CAMKMT: variants seen among roughly 807,000 people sequenced by gnomAD.
CAMKMT encodes CaM KMT.
A neutral mutation model predicts 48.0 loss-of-function variants in CAMKMT; 53 were observed. The ratio of observed to expected loss-of-function variants is 1.10; its 90% CI spans 0.89 to 1.39. The LOEUF (loss-of-function observed/expected upper bound fraction) is 1.39. CAMKMT is among the 40% of genes most tolerant of loss of function. The probability of loss-of-function intolerance (pLI) is 0.00; values close to 1 mark genes in which losing one functional copy is unlikely to be tolerated. For synonymous variants in CAMKMT, 165 were observed against 152.3 expected (o/e 1.08, Z -0.61); for missense variants, 428 against 402.7 (o/e 1.06, Z -0.54).
intron 3 of CAMKMT, among the ~76,000 whole-genome samples, chr2:44,647,924 A>G (rs1047059945): frequency 1.3e-5 from 2 of 150,418 alleles, no homozygotes; most frequent in Admixed American, 6.6e-5. Flanking sequence ...AAAAAAAAAA[A>G]AAAAAAAGAA....
intron 3 of CAMKMT, among the ~76,000 whole-genome samples, chr2:44,484,287 A>G (rs1362693966): frequency 1.3e-5 from 2 of 152,118 alleles, no homozygotes; most frequent in East Asian, 1.9e-4. Context: ...CTGGAAGAAA[A>G]GGAAGAAAGT....
chr2:44,657,786 A>T lies in CAMKMT; in HGVS notation c.377-46497A>T, dbSNP rs1166541354. Among the ~76,000 whole-genome samples, 1 of 152,184 alleles carries T rather than the reference A, an allele frequency of 6.6e-6. No homozygotes were observed. Among genetic ancestry groups the T allele is most frequent in the Non-Finnish European group, 1.5e-5 (1 of 68,024 alleles). Reference sequence around the variant, plus strand: ...GAATAACTGACAATGATGGATTCTCAAACATTTCTGCTAACCAAAGAAGGA... The same window carrying T: ...GAATAACTGACAATGATGGATTCTCTAACATTTCTGCTAACCAAAGAAGGA... On this transcript the variant is annotated intron_variant, in intron 3 of 10. Coordinates refer to ENST00000378494, the MANE Select transcript of CAMKMT (RefSeq NM_024766.5). The surrounding 1 kb of genome is among the most constrained non-coding windows in gnomAD (Gnocchi z 4.3).
chr2:44,661,590 AG>A (rs1373086024), intron 3 of CAMKMT, among the ~76,000 whole-genome samples: 1 of 152,166 alleles, frequency 6.6e-6, no homozygotes, highest in Non-Finnish European at 1.5e-5. Flanking sequence ...TATAAGACTA[AG>A]GATGGCAGCT....
chr2:44,726,052 A>G (rs1420163781), intron 7 of CAMKMT, among the ~76,000 whole-genome samples: 3 of 152,132 alleles, frequency 2.0e-5, no homozygotes, highest in African/African-American at 4.8e-5. Context: ...TGTGTGCTCA[A>G]TGTTTAGCTC....
intron 1 of CAMKMT, among the ~76,000 whole-genome samples, chr2:44,363,841 C>T (rs2104327246): frequency 6.6e-6 from 1 of 151,880 alleles, no homozygotes; most frequent in South Asian, 2.1e-4. Context: ...CAGGTGCTCG[C>T]CATTACGCCC....
chr2:44,710,365 A>T (rs1440229772), intron 6 of CAMKMT, among the ~76,000 whole-genome samples: 7 of 152,172 alleles, frequency 4.6e-5, no homozygotes, highest in Admixed American at 4.6e-4. Flanking sequence ...AAAGATATTA[A>T]GACTTGAGGT....
chr2:44,557,504 G>A (rs1031348404), intron 3 of CAMKMT, among the ~76,000 whole-genome samples: 3 of 152,132 alleles, frequency 2.0e-5, no homozygotes, highest in Non-Finnish European at 2.9e-5. Flanking sequence ...TGGTGATGTT[G>A]CTCCTCATCT....
intron 3 of CAMKMT, among the ~76,000 whole-genome samples, chr2:44,501,073 T>C (rs938166196): frequency 2.0e-5 from 3 of 151,838 alleles, no homozygotes; most frequent in African/African-American, 7.2e-5. Context: ...GGTTTTTTTT[T>C]TTCCTGGAGA....
chr2:44,706,201 G>A, intron 4 of CAMKMT, 86 bp from the exon 5 acceptor site: 1 of 1,360,464 alleles, frequency 7.4e-7, no homozygotes, highest in Non-Finnish European at 1.0e-6. Context: ...TACTGCAGAT[G>A]GCAATTTGTT....
At chr2:44,566,252 A>T (rs1445487902) in intron 3 of CAMKMT, among the ~76,000 whole-genome samples, 1 of 152,188 alleles carries the variant, frequency 6.6e-6, no homozygotes, top group Non-Finnish European at 1.5e-5. Flanking sequence ...TCCTCCTAGC[A>T]TGATGAAGCA....
chr2:44,740,082 T>C (rs1679587015), intron 7 of CAMKMT, among the ~76,000 whole-genome samples: 1 of 148,472 alleles, frequency 6.7e-6, no homozygotes, highest in Non-Finnish European at 1.5e-5. Flanking sequence ...GGAGCATAAG[T>C]GTGGTGGTAG....
intron 3 of CAMKMT, chr2:44,401,099 G>C (rs947147576): frequency 6.6e-6 from 1 of 151,982 alleles, no homozygotes; most frequent in Middle Eastern, 3.4e-3. Flanking sequence ...ATTCTCAAAT[G>C]ATTTATCAAC....
intron 3 of CAMKMT, among the ~76,000 whole-genome samples, chr2:44,689,940 A>G (rs1307812463): frequency 6.6e-6 from 1 of 152,234 alleles, no homozygotes; most frequent in African/African-American, 2.4e-5. Context: ...ATCATACTTG[A>G]AGATGTTTTC....
At chr2:44,384,733 A>T (rs542430257) in intron 2 of CAMKMT, among the ~76,000 whole-genome samples, 1 of 152,174 alleles carries the variant, frequency 6.6e-6, no homozygotes, top group East Asian at 1.9e-4. Flanking sequence ...TTTGTTGAAA[A>T]GGGTGTCCTT....
chr2:44,641,697 A>G (rs901753819), intron 3 of CAMKMT, among the ~76,000 whole-genome samples: 1 of 150,270 alleles, frequency 6.7e-6, no homozygotes, highest in African/African-American at 2.4e-5. Context: ...AGCTGGGACT[A>G]CAGGTGCATG....
chr2:44,541,651 GTCCCA>G (rs1667112439), intron 3 of CAMKMT, among the ~76,000 whole-genome samples: 1 of 151,748 alleles, frequency 6.6e-6, no homozygotes, highest in African/African-American at 2.4e-5. Context: ...CATCCTTGTA[GTCCCA>G]GCTGCTTGGG....
intron 3 of CAMKMT, among the ~76,000 whole-genome samples, chr2:44,607,947 T>C (rs1671380288): frequency 6.6e-6 from 1 of 152,092 alleles, no homozygotes; most frequent in Non-Finnish European, 1.5e-5. Flanking sequence ...ATTCCACTTA[T>C]ATCTCCATTC....
At chr2:44,436,527 G>A (rs1666265991) in intron 3 of CAMKMT, among the ~76,000 whole-genome samples, 1 of 151,444 alleles carries the variant, frequency 6.6e-6, no homozygotes, top group African/African-American at 2.4e-5. Context: ...AATATTTTAG[G>A]TTTTGAGGAC....
intron 6 of CAMKMT, among the ~76,000 whole-genome samples, chr2:44,715,044 T>C (rs1241465183): frequency 6.6e-6 from 1 of 151,896 alleles, no homozygotes; most frequent in East Asian, 1.9e-4. Context: ...GATACAAAAA[T>C]TAGCTGGGTG....
Sources: allele counts gnomAD v4.1 joint callset (sites outside exome capture counted in the v4.1 genomes callset), GRCh38; gene constraint gnomAD v4.1.1; non-coding constraint Gnocchi (gnomAD v3.1); transcripts MANE v1.5; gene names NCBI Gene and HGNC (gene_info 2026-07-23, HGNC 2026-07-21).